Variants in RECK observed in about 807,000 individuals in gnomAD.
RECK encodes the protein reversion-inducing cysteine-rich protein with Kazal motifs.
RECK carries 69 observed loss-of-function variants against 115.1 expected under a neutral mutation model. The ratio of observed to expected loss-of-function variants is 0.60; its 90% CI spans 0.49 to 0.73. The LOEUF (loss-of-function observed/expected upper bound fraction) is 0.73, where lower values mean the gene tolerates loss of function less well. Ranked by LOEUF, RECK falls within the 30% of genes least tolerant of loss-of-function variation. The pLI, the probability that RECK is intolerant of heterozygous loss-of-function variation, is 0.00. For missense variants in RECK, 1,047 were observed against 1,203.7 expected, an observed-to-expected ratio of 0.87 and a Z score of 1.93; for synonymous variants, 414 against 419.7, an observed-to-expected ratio of 0.99 and a Z score of 0.17.
chr9:36,066,195 T>C (rs1228379321), intron 6 of RECK, among the ~76,000 whole-genome samples: 1 of 152,166 alleles, frequency 6.6e-6, no homozygotes, highest in African/African-American at 2.4e-5. Flanking sequence ...GGCAGGGGTA[T>C]AGCGGAAGTA....
chr9:36,062,600 C>G (rs1821820807), intron 4 of RECK, among the ~76,000 whole-genome samples: 1 of 152,172 alleles, frequency 6.6e-6, no homozygotes, highest in East Asian at 1.9e-4. Context: ...ACCTCACCCT[C>G]CCGAGTAGTT....
intron 6 of RECK, among the ~76,000 whole-genome samples, chr9:36,074,156 A>G (rs1011089259): frequency 1.3e-5 from 2 of 152,142 alleles, no homozygotes; most frequent in African/African-American, 4.8e-5. Flanking sequence ...TCTTCTCTCC[A>G]CACACATAAA....
intron 7 of RECK, among the ~76,000 whole-genome samples, chr9:36,081,559 C>A (rs913633697): frequency 6.6e-6 from 1 of 152,116 alleles, no homozygotes; most frequent in Non-Finnish European, 1.5e-5. Context: ...TTTGGCCAGG[C>A]GCTGTGGCTC....
At chr9:36,076,799 G>A (rs1028718018) in intron 6 of RECK, among the ~76,000 whole-genome samples, 3 of 152,034 alleles carry the variant, frequency 2.0e-5, no homozygotes, top group Admixed American at 1.3e-4. Context: ...ACAATTTAAG[G>A]AGCTGATTTT....
intron 10 of RECK, among the ~76,000 whole-genome samples, chr9:36,097,491 G>T (rs183399951): frequency 1.3e-5 from 2 of 152,176 alleles, no homozygotes; most frequent in Non-Finnish European, 2.9e-5. Flanking sequence ...ATCCCTTCAC[G>T]TGTTAAAATG....
intron 10 of RECK, among the ~76,000 whole-genome samples, chr9:36,098,683 A>G (rs577444548): frequency 2.6e-5 from 4 of 152,182 alleles, no homozygotes; most frequent in Non-Finnish European, 5.9e-5. Context: ...TAGCCCAAAA[A>G]ATGGGGGAGA....
intron 19 of RECK, among the ~76,000 whole-genome samples, chr9:36,121,246 C>A (rs1480699884): frequency 1.3e-5 from 2 of 152,224 alleles, no homozygotes; most frequent in Admixed American, 1.3e-4. Flanking sequence ...TGATTACAAA[C>A]ACCTGTATTT....
chr9:36,067,397 A>T lies in RECK; in HGVS notation c.405+1773A>T, dbSNP rs751941369. Reference sequence around the variant, plus strand: ...TTTACCCTGGAGAGTAGTTTTATGTATAGTTTGATTTGAGTTTCAGAGAAT... The same window carrying T: ...TTTACCCTGGAGAGTAGTTTTATGTTTAGTTTGATTTGAGTTTCAGAGAAT... On this transcript the variant is annotated intron_variant, in intron 6 of 20. Coordinates refer to ENST00000377966, the MANE Select transcript of RECK (RefSeq NM_021111.3). Among the ~76,000 whole-genome samples, 55 of 152,266 alleles carry T rather than the reference A, an allele frequency of 3.6e-4. No homozygotes were observed. The Middle Eastern group carries it at 0.017, about 47-fold the overall frequency.
At chr9:36,121,315 G>C (rs1218279870) in intron 19 of RECK, among the ~76,000 whole-genome samples, 2 of 152,164 alleles carry the variant, frequency 1.3e-5, no homozygotes, top group Admixed American at 1.3e-4. Context: ...TGGTTCTGGT[G>C]AAAGTATGTA....
At chr9:36,085,168 T>A (rs1350563830) in intron 8 of RECK, 1 of 218,126 alleles carries the variant, frequency 4.6e-6, no homozygotes, top group East Asian at 1.6e-4. Context: ...TTATATATTT[T>A]CCACAGTGTT....
At chr9:36,043,038 T>TTTTTTG (rs1351361271) in intron 1 of RECK, among the ~76,000 whole-genome samples, 3 of 131,016 alleles carry the variant, frequency 2.3e-5, no homozygotes, top group African/African-American at 9.0e-5. Context: ...TTTTTTTTTT[T>TTTTTTG]TTGTTGAGAC....
Position 36,112,834 on chromosome 9 carries a change from C to A in RECK, c.2060+358C>A, listed in dbSNP as rs142918054. ...GAGTCATGGCTGCTGGAAATGTTAT[C>A]TCCGTAACATTGTTATCTCCATAAC... is the stretch of plus-strand genomic sequence containing the variant. On this transcript the variant is annotated intron_variant, in intron 16 of 20. Transcript: ENST00000377966. Among the ~76,000 whole-genome samples, 821 of 152,292 alleles carry A rather than the reference C, an allele frequency of 5.4e-3. 5 individuals are homozygous for A. Among genetic ancestry groups the A allele is most frequent in the Non-Finnish European group, 7.2e-3 (488 of 68,016 alleles).
chr9:36,091,153 T>C lies in RECK; in HGVS notation c.906-11T>C, dbSNP rs1012695108. ...CTCATGTCGGCTTCTGCATTTGTGC[T>C]CTTGTTTCAGGGAACTCTGCACTAA... On this transcript the variant is annotated splice_polypyrimidine_tract_variant and intron_variant, in intron 9 of 20. Transcript: ENST00000377966. The C allele has an allele frequency of 1.2e-6, 2 of 1,613,478 alleles. No homozygotes were observed. Among genetic ancestry groups the C allele is most frequent in the Non-Finnish European group, 1.7e-6 (2 of 1,179,692 alleles).
rs758132202 is a variant in RECK, at chr9:36,087,650, C to CA, written c.638-36dup. 576 of 1,576,818 alleles carry CA rather than the reference C, an allele frequency of 3.7e-4. 3 individuals are homozygous for CA. The highest frequency in any genetic ancestry group is 1.2e-3 in the Middle Eastern group (7 of 5,882). On this transcript the variant is annotated intron_variant, in intron 8 of 20. Transcript: ENST00000377966. Reference sequence around the variant, plus strand: ...GAACTTAAAGTACAATAAAAACAAACAAAAAAAACAGCTAATTAAGCCACT... The same window carrying CA: ...GAACTTAAAGTACAATAAAAACAAACAAAAAAAAACAGCTAATTAAGCCACT...
intron 1 of RECK, among the ~76,000 whole-genome samples, chr9:36,046,869 A>C (rs1821088966): frequency 6.6e-6 from 1 of 152,150 alleles, no homozygotes; most frequent in Admixed American, 6.5e-5. Context: ...TTTGACCTTC[A>C]CCATTTAATT....
chr9:36,104,292 G>GTGTATATATATATA (rs34438663), intron 12 of RECK, among the ~76,000 whole-genome samples: 21 of 43,884 alleles, frequency 4.8e-4, no homozygotes, highest in African/African-American at 7.2e-4. Flanking sequence ...GTGTGTGTGT[G>GTGTATATATATATA]TATATATATA....
chr9:36,077,561 G>C (rs879481358), intron 6 of RECK, among the ~76,000 whole-genome samples: 1 of 152,038 alleles, frequency 6.6e-6, no homozygotes. Context: ...ACATTCTTTT[G>C]AACCTTAAAA....
intron 5 of RECK, 43 bp from the exon 6 acceptor site, chr9:36,065,534 T>G: frequency 6.7e-7 from 1 of 1,493,548 alleles, no homozygotes; most frequent in Non-Finnish European, 9.1e-7. Context: ...CTGTGCTGAA[T>G]AGCATGTATA....
At position 36,057,960 on chromosome 9, in the gene RECK, T is replaced by C. The variant is rs892557480; in HGVS notation, c.160-867T>C. ...AATCAAAACCACAATGAGATACCAT[T>C]TCACACCAGTTAGAATGGCAATCAT... On this transcript the variant is annotated intron_variant, in intron 2 of 20. Transcript: ENST00000377966. Among the ~76,000 whole-genome samples, 32 of 151,762 alleles carry C rather than the reference T, an allele frequency of 2.1e-4. No homozygotes were observed. In the East Asian group the frequency reaches 3.9e-3, roughly 18 times the overall value.
Sources: gnomAD v4.1 joint callset for allele counts (sites outside exome capture counted in the v4.1 genomes callset) on GRCh38, gnomAD v4.1.1 for gene constraint, MANE v1.5 for transcripts, NCBI Gene and HGNC (gene_info 2026-07-23, HGNC 2026-07-21) for gene names.